CERKL: variants seen among roughly 807,000 people sequenced by gnomAD.
CERKL encodes the protein CERK like autophagy regulator, also known as ceramide kinase-like protein.
In CERKL, 61 loss-of-function variants were observed where a neutral mutation model predicts 63.4. The ratio of observed to expected loss-of-function variants is 0.96; its 90% CI spans 0.78 to 1.19. The LOEUF is 1.19. Among genes scored for constraint, CERKL ranks in the 50% most tolerant of loss-of-function variants. The pLI, the probability that CERKL is intolerant of heterozygous loss-of-function variation, is 0.00. For synonymous variants in CERKL, 250 were observed against 230.5 expected, an observed-to-expected ratio of 1.08 and a Z score of -0.77; for missense variants, 675 against 655.5, an observed-to-expected ratio of 1.03 and a Z score of -0.33.
chr2:181,581,745 G>A (rs80041187), intron 2 of CERKL, among the ~76,000 whole-genome samples: 2,906 of 152,248 alleles, frequency 0.019, 71 homozygotes, highest in African/African-American at 0.064. Flanking sequence ...GTTGCTCTGG[G>A]ACATGGTGCC....
chr2:181,539,044 G>A (rs373931071), intron 12 of CERKL, 48 bp downstream of exon 12: 1 of 1,285,358 alleles, frequency 7.8e-7, no homozygotes, highest in Non-Finnish European at 1.1e-6. Context: ...TGTAATATTA[G>A]ATTTATGTTT....
chr2:181,644,662 A>G (rs1687593105), intron 1 of CERKL, among the ~76,000 whole-genome samples: 1 of 152,190 alleles, frequency 6.6e-6, no homozygotes, highest in African/African-American at 2.4e-5. Flanking sequence ...GGAATAACGC[A>G]AAGTTGAAAA....
At chr2:181,587,943 G>C (rs1390247073) in intron 2 of CERKL, among the ~76,000 whole-genome samples, 1 of 152,032 alleles carries the variant, frequency 6.6e-6, no homozygotes, top group African/African-American at 2.4e-5. Context: ...GTCGTGAAAA[G>C]ACTTGTGTAC....
intron 3 of CERKL, among the ~76,000 whole-genome samples, chr2:181,566,588 C>T (rs934493787): frequency 6.6e-6 from 1 of 152,082 alleles, no homozygotes; most frequent in Admixed American, 6.6e-5. Context: ...TGTACTGGAA[C>T]TGTTAGACTA....
chr2:181,656,673 G>C (rs902529353), intron 1 of CERKL, 96 bp downstream of exon 1: 4 of 1,069,124 alleles, frequency 3.7e-6, no homozygotes, highest in Admixed American at 5.2e-5. Flanking sequence ...GCGAGAAAAG[G>C]GGAGGGTGGA....
chr2:181,590,793 T>C (rs1191063734), intron 2 of CERKL, among the ~76,000 whole-genome samples: 1 of 152,204 alleles, frequency 6.6e-6, no homozygotes, highest in African/African-American at 2.4e-5. Flanking sequence ...TTGGTGAGGC[T>C]TTGAAGTAAT....
At chr2:181,575,608 C>G (rs1314158463) in intron 2 of CERKL, among the ~76,000 whole-genome samples, 1 of 152,096 alleles carries the variant, frequency 6.6e-6, no homozygotes, top group East Asian at 1.9e-4. Context: ...TTTTCACCCC[C>G]TAAAATTTCC....
At chr2:181,581,658 C>T (rs751033709) in intron 2 of CERKL, among the ~76,000 whole-genome samples, 19 of 152,184 alleles carry the variant, frequency 1.2e-4, no homozygotes, top group Admixed American at 9.2e-4. Flanking sequence ...AAGCATTCAT[C>T]GCAGCAGTGA....
At chr2:181,572,877 T>A (rs189840990) in intron 3 of CERKL, among the ~76,000 whole-genome samples, 2 of 152,058 alleles carry the variant, frequency 1.3e-5, no homozygotes, top group Admixed American at 1.3e-4. Context: ...TTATCTCCTT[T>A]GTTTACAGCT....
At chr2:181,573,656 C>G in intron 3 of CERKL, 97 bp downstream of exon 3, 1 of 1,060,980 alleles carries the variant, frequency 9.4e-7, no homozygotes, top group South Asian at 1.4e-5. Context: ...ATAGATATTA[C>G]AAGTAGTTTC....
intron 3 of CERKL, among the ~76,000 whole-genome samples, chr2:181,570,110 T>C (rs1430866376): frequency 6.6e-6 from 1 of 152,210 alleles, no homozygotes; most frequent in Non-Finnish European, 1.5e-5. Flanking sequence ...TGAATTAGTC[T>C]GGAAGAAAGG....
chr2:181,537,683 A>C lies in CERKL; in HGVS notation c.*501T>G. On this transcript the variant is annotated 3_prime_UTR_variant, in exon 13 of 13. Transcript: ENST00000410087. Reference sequence around the variant, plus strand: ...ATTATTTCAGAATTATCTAGGTTAAATATTGATGTATTATGATGGTTGCAA... The same window carrying C: ...ATTATTTCAGAATTATCTAGGTTAACTATTGATGTATTATGATGGTTGCAA... The C allele has an allele frequency of 2.3e-6, 1 of 432,876 alleles. No individual in the cohort carries two copies. Among genetic ancestry groups the C allele is most frequent in the Non-Finnish European group, 4.6e-6 (1 of 218,850 alleles). The allele number at this position is 432,876 out of a possible 1,614,324, so 26.8% of individuals were successfully genotyped here.
At chr2:181,600,526 G>T (rs576732692) in intron 2 of CERKL, among the ~76,000 whole-genome samples, 2 of 152,164 alleles carry the variant, frequency 1.3e-5, no homozygotes, top group African/African-American at 4.8e-5. Context: ...GAAAGATCTA[G>T]CATGCAAATA....
chr2:181,643,614 A>G (rs148058547), intron 1 of CERKL, among the ~76,000 whole-genome samples: 1 of 152,382 alleles, frequency 6.6e-6, no homozygotes, highest in Non-Finnish European at 1.5e-5. Context: ...GACAAATCAC[A>G]TATCAGCACA....
intron 1 of CERKL, among the ~76,000 whole-genome samples, chr2:181,614,787 T>A (rs912042751): frequency 3.3e-5 from 5 of 152,196 alleles, no homozygotes; most frequent in African/African-American, 1.2e-4. Flanking sequence ...CTTTGGGGCA[T>A]GTATTTTAAA....
At chr2:181,569,022 A>G (rs1218074424) in intron 3 of CERKL, among the ~76,000 whole-genome samples, 2 of 152,110 alleles carry the variant, frequency 1.3e-5, no homozygotes, top group Non-Finnish European at 2.9e-5. Flanking sequence ...GTACTACAAT[A>G]GCCTTTTATC....
At chr2:181,607,606 G>C (rs1431039274) in intron 1 of CERKL, among the ~76,000 whole-genome samples, 3 of 152,160 alleles carry the variant, frequency 2.0e-5, no homozygotes, top group East Asian at 3.8e-4. Flanking sequence ...AATCATTGGT[G>C]GTACACTTGC....
intron 1 of CERKL, among the ~76,000 whole-genome samples, chr2:181,620,966 G>A (rs1198202411): frequency 6.6e-6 from 1 of 152,110 alleles, no homozygotes; most frequent in African/African-American, 2.4e-5. Flanking sequence ...TTTTAATATA[G>A]CTTATAATTG....
intron 1 of CERKL, among the ~76,000 whole-genome samples, chr2:181,617,887 C>CT (rs1411301076): frequency 6.6e-6 from 1 of 152,132 alleles, no homozygotes; most frequent in African/African-American, 2.4e-5. Flanking sequence ...AAGATGTTTC[C>CT]TTTTCAGCTG....
Sources: gnomAD v4.1 joint callset for allele counts (sites outside exome capture counted in the v4.1 genomes callset) on GRCh38, gnomAD v4.1.1 for gene constraint, MANE v1.5 for transcripts, NCBI Gene and HGNC (gene_info 2026-07-23, HGNC 2026-07-21) for gene names.